Variants in FBP2 observed in about 807,000 individuals in gnomAD.
The protein encoded by FBP2 is fructose-1,6-bisphosphatase isozyme 2.
A neutral mutation model predicts 31.6 loss-of-function variants in FBP2; 27 were observed. The ratio of observed to expected loss-of-function variants is 0.85; its 90% CI spans 0.63 to 1.18. The LOEUF (loss-of-function observed/expected upper bound fraction) is 1.18, where lower values mean the gene tolerates loss of function less well. Ranked by LOEUF, FBP2 falls within the 50% of genes most tolerant of loss-of-function variation. The probability of loss-of-function intolerance (pLI) is 0.00; values close to 1 mark genes in which losing one functional copy is unlikely to be tolerated. For synonymous variants in FBP2, 168 were observed against 179.8 expected (o/e 0.93, Z 0.53); for missense variants, 421 against 436.1 (o/e 0.97, Z 0.31).
intron 4 of FBP2, chr9:94,570,625 GCTT>G (rs1564183104): frequency 6.6e-6 from 1 of 152,224 alleles, no homozygotes; most frequent in African/African-American, 2.4e-5. Context: ...GGGTTTGCCA[GCTT>G]CTTTGAACAT....
intron 5 of FBP2, among the ~76,000 whole-genome samples, chr9:94,566,760 C>T (rs568164277): frequency 6.6e-6 from 1 of 152,284 alleles, no homozygotes; most frequent in East Asian, 1.9e-4. Context: ...TATCTCAGTT[C>T]ATTACAGATG....
chr9:94,593,409 A>T, intron 1 of FBP2, 148 bp downstream of exon 1: 1 of 659,484 alleles, frequency 1.5e-6, no homozygotes, highest in Non-Finnish European at 2.4e-6. Flanking sequence ...CAAAGCACAC[A>T]TGATAGGAAC....
chr9:94,587,540 A>C (rs2131460095), intron 1 of FBP2, 71 bp from the exon 2 acceptor site: 1 of 1,417,762 alleles, frequency 7.1e-7, no homozygotes, highest in Middle Eastern at 1.8e-4. Context: ...CTGGGACCCT[A>C]AAACGCCAGC....
chr9:94,559,314 T>C (rs1471964042), intron 6 of FBP2, among the ~76,000 whole-genome samples, 182 bp from the exon 7 acceptor site: 1 of 152,150 alleles, frequency 6.6e-6, no homozygotes, highest in Non-Finnish European at 1.5e-5. Context: ...ATGCATCAGA[T>C]GGCACTCATC....
At chr9:94,572,557 C>T (rs1043966252) in intron 3 of FBP2, among the ~76,000 whole-genome samples, 4 of 152,148 alleles carry the variant, frequency 2.6e-5, no homozygotes, top group African/African-American at 9.7e-5. Flanking sequence ...TCTGAAGCTC[C>T]CAACACATTT....
intron 5 of FBP2, among the ~76,000 whole-genome samples, chr9:94,565,385 A>AAAAAG (rs773350863): frequency 0.4 from 54,294 of 134,214 alleles, 12,628 homozygotes; most frequent in Admixed American, 0.49. Flanking sequence ...AAAAAAAAAA[A>AAAAAG]AGATGTTCCC....
intron 6 of FBP2, 123 bp downstream of exon 6, chr9:94,563,219 C>T (rs1188301437): frequency 8.8e-7 from 1 of 1,130,682 alleles, no homozygotes; most frequent in Non-Finnish European, 1.2e-6. Flanking sequence ...CATTTTTCCT[C>T]CCCTGCCCAT....
chr9:94,567,799 T>C (rs1456573233), intron 4 of FBP2: 2 of 184,340 alleles, frequency 1.1e-5, no homozygotes, highest in Non-Finnish European at 2.3e-5. Flanking sequence ...GAGGAAGAAG[T>C]TACATTGTCG....
At chr9:94,573,640 GA>G (rs1157738386) in intron 3 of FBP2, among the ~76,000 whole-genome samples, 6 of 152,294 alleles carry the variant, frequency 3.9e-5, no homozygotes, top group African/African-American at 1.4e-4. Context: ...GACTGATTAT[GA>G]ATACTGGATC....
At chr9:94,565,090 T>C (rs1827165926) in intron 5 of FBP2, among the ~76,000 whole-genome samples, 1 of 152,162 alleles carries the variant, frequency 6.6e-6, no homozygotes, top group South Asian at 2.1e-4. Flanking sequence ...AATAAAACAA[T>C]GGGTCTGGCA....
At chr9:94,589,797 C>A (rs1587846809) in intron 1 of FBP2, among the ~76,000 whole-genome samples, 1 of 150,366 alleles carries the variant, frequency 6.7e-6, no homozygotes, top group African/African-American at 2.4e-5. Context: ...CGTGAGCAGT[C>A]AGCTGTCTTG....
chr9:94,590,905 G>A (rs1283443894), intron 1 of FBP2, among the ~76,000 whole-genome samples: 1 of 152,234 alleles, frequency 6.6e-6, no homozygotes, highest in Non-Finnish European at 1.5e-5. Flanking sequence ...TAGATACAGA[G>A]TTTCCACACA....
chr9:94,571,654 C>T, intron 3 of FBP2, 52 bp from the exon 4 acceptor site: 3 of 1,526,796 alleles, frequency 2.0e-6, no homozygotes, highest in Non-Finnish European at 2.7e-6. Context: ...CTGGAGAGAA[C>T]ACTTTGCCAG....
intron 4 of FBP2, 105 bp downstream of exon 4, chr9:94,571,357 A>T: frequency 8.1e-7 from 1 of 1,241,574 alleles, no homozygotes; most frequent in Non-Finnish European, 1.1e-6. Flanking sequence ...CTGGTCCCCA[A>T]AACAAGTATT....
chr9:94,559,223 C>T (rs1440772366), intron 6 of FBP2, 91 bp from the exon 7 acceptor site: 13 of 1,172,442 alleles, frequency 1.1e-5, no homozygotes, highest in South Asian at 4.4e-5. Context: ...GTTTGTACTG[C>T]GGTGCTTCCA....
At chr9:94,588,186 C>T (rs1168223156) in intron 1 of FBP2, among the ~76,000 whole-genome samples, 2 of 152,146 alleles carry the variant, frequency 1.3e-5, no homozygotes, top group East Asian at 1.9e-4. Context: ...GGATTGTCCT[C>T]ACACAGTGCC....
chr9:94,591,057 G>A (rs1220440041), intron 1 of FBP2, among the ~76,000 whole-genome samples: 2 of 152,264 alleles, frequency 1.3e-5, no homozygotes, highest in African/African-American at 4.8e-5. Context: ...GTCCCCACCA[G>A]ACTCAGGAGC....
intron 5 of FBP2, among the ~76,000 whole-genome samples, chr9:94,566,417 A>T (rs530416064): frequency 6.6e-6 from 1 of 152,386 alleles, no homozygotes; most frequent in African/African-American, 2.4e-5. Context: ...CCTTAAGGAC[A>T]TGCTCCTGCT....
Position 94,571,477 on chromosome 9 carries a change from G to C in FBP2, c.552C>G (p.Leu184=). 6.2e-7 allele frequency: 1 copy of C among 1,612,114 alleles called. No individual in the cohort carries two copies. The highest frequency in any genetic ancestry group is 1.1e-5 in the South Asian group (1 of 90,636). The part of the protein sequence containing the change: ...VALSTGQGVD[L]FMLDPALGEF... ...CTGTACCTACCGGGTCAAGCATGAA[G>C]AGGTCCACGCCTTGCCCTGTGGAGA... The change falls in exon 4 of 7, where the codon CTC becomes CTG. Residue 184 remains leucine, a synonymous_variant. Transcript: ENST00000375337.
Sources: allele counts gnomAD v4.1 joint callset (sites outside exome capture counted in the v4.1 genomes callset), GRCh38; gene constraint gnomAD v4.1.1; transcripts MANE v1.5; gene names NCBI Gene and HGNC (gene_info 2026-07-23, HGNC 2026-07-21).